INSYN1: variants seen among roughly 807,000 people sequenced by gnomAD.
INSYN1 encodes inhibitory synaptic factor 1.
Under a neutral mutation model 17.1 loss-of-function variants are expected in INSYN1, and 7 were observed. The ratio of observed to expected loss-of-function variants is 0.41; its 90% CI spans 0.23 to 0.77. The LOEUF (loss-of-function observed/expected upper bound fraction) is 0.77, where lower values mean the gene tolerates loss of function less well. Among genes scored for constraint, INSYN1 ranks in the 30% least tolerant of loss-of-function variants. The pLI is 0.32. For missense variants in INSYN1, 339 were observed against 400.6 expected (o/e 0.85, Z 1.31); for synonymous variants, 174 against 166.3 (o/e 1.05, Z -0.36).
At position 73,738,051 on chromosome 15, in the gene INSYN1, T is replaced by C. The variant is rs57600045; in HGVS notation, c.*1866A>G. ...GAGGTGTCTTCTTTGGCCATCCCAC[T>C]CAAAGCCCCTGTGCCCTGGAAATCA... On this transcript the variant is annotated 3_prime_UTR_variant, in exon 3 of 3. Transcript: ENST00000569673. 8,199 of 152,374 alleles carry C rather than the reference T, an allele frequency of 0.054. 262 individuals are homozygous for C. Among genetic ancestry groups the C allele is most frequent in the Non-Finnish European group, 0.065 (4,417 of 68,074 alleles). The allele number at this position is 152,374 out of a possible 1,614,324, so 9.4% of individuals were successfully genotyped here. A position where few individuals can be genotyped will look rare whatever the true frequency, so the allele number is the denominator to read the frequency against.
At chr15:73,747,179 C>T (rs570312664) in intron 2 of INSYN1, among the ~76,000 whole-genome samples, 4 of 152,322 alleles carry the variant, frequency 2.6e-5, no homozygotes, top group South Asian at 2.1e-4. Context: ...GCCGGGAATG[C>T]TCTTCCCCTA....
intron 2 of INSYN1, among the ~76,000 whole-genome samples, chr15:73,743,373 G>A (rs1203897430): frequency 6.6e-6 from 1 of 152,210 alleles, no homozygotes; most frequent in Non-Finnish European, 1.5e-5. Flanking sequence ...GGGGATGGAG[G>A]AAAGAGAAAG....
Position 73,752,986 on chromosome 15 carries a change from G to GCGGGCCGGGC in INSYN1, c.-1454_-1445dup, listed in dbSNP as rs969761722. 2.7e-5 allele frequency among the ~76,000 whole-genome samples: 4 copies of GCGGGCCGGGC among 150,254 alleles called. No homozygotes were observed. Among genetic ancestry groups the GCGGGCCGGGC allele is most frequent in the Non-Finnish European group, 5.9e-5 (4 of 67,228 alleles). On this transcript the variant is annotated 5_prime_UTR_variant, in exon 1 of 3. Coordinates refer to ENST00000569673, the MANE Select transcript of INSYN1 (RefSeq NM_001039614.3). The surrounding 1 kb of genome is among the most constrained non-coding windows in gnomAD (Gnocchi z 5.2). Reference sequence around the variant, plus strand: ...GGGAAGGGAGGGGAGGGGGCGAGCGGCGGGCCGGGCCGGGCCGGGGCGCAC... The same window carrying GCGGGCCGGGC: ...GGGAAGGGAGGGGAGGGGGCGAGCGGCGGGCCGGGCCGGGCCGGGCCGGGCCGGGGCGCAC...
At chr15:73,742,511 A>C (rs1901714887) in intron 2 of INSYN1, among the ~76,000 whole-genome samples, 1 of 152,084 alleles carries the variant, frequency 6.6e-6, no homozygotes, top group Admixed American at 6.5e-5. Flanking sequence ...ACCTCCACCC[A>C]TGAGATCATT....
Position 73,740,443 on chromosome 15 carries a change from G to A in INSYN1, c.356C>T (p.Ser119Phe), listed in dbSNP as rs1248955353. Residue 119 changes from serine to phenylalanine, a missense_variant, in exon 3 of 3, where the codon TCT (serine) becomes TTT (phenylalanine). Ser to Phe is a radical substitution (Grantham distance 155). Coordinates refer to ENST00000569673, the MANE Select transcript of INSYN1 (RefSeq NM_001039614.3). The stretch of plus-strand genomic sequence containing the variant: ...ACCATCCACGGAGTCCGAGGGGGTA[G>A]AGACGTCCAGGAAGGAGCAGAACTC... Reference protein sequence around the residue: ...SWEFCSFLDVSTPSDSVDGPE... With the variant: ...SWEFCSFLDVFTPSDSVDGPE... 6.2e-7 allele frequency: 1 copy of A among 1,613,814 alleles called. No individual in the cohort carries two copies. The highest frequency in any genetic ancestry group is 2.2e-5 in the East Asian group (1 of 44,850).
Position 73,736,722 on chromosome 15 carries a change from C to T in INSYN1, c.*3195G>A, listed in dbSNP as rs1239069778. 2 of 152,168 alleles carry T rather than the reference C, an allele frequency of 1.3e-5. No homozygotes were observed. The highest frequency in any genetic ancestry group is 2.1e-4 in the South Asian group (1 of 4,830). 9.4% of individuals were successfully genotyped at this position (152,168 alleles called of 1,614,324 possible). On this transcript the variant is annotated 3_prime_UTR_variant, in exon 3 of 3. Transcript: ENST00000569673. Reference sequence around the variant, plus strand: ...CCATCCTGGCCATGTGGTGAAACCCCATCTCTACTAAAAATACAAAACTTA... The same window carrying T: ...CCATCCTGGCCATGTGGTGAAACCCTATCTCTACTAAAAATACAAAACTTA...
intron 2 of INSYN1, among the ~76,000 whole-genome samples, chr15:73,745,814 A>ACAAAACAAAAC (rs1555422880): frequency 6.6e-6 from 1 of 151,644 alleles, no homozygotes; most frequent in Admixed American, 6.6e-5. Flanking sequence ...GTCTCAAAAA[A>ACAAAACAAAAC]CAAAACAAAA....
At chr15:73,744,863 C>A (rs972454666) in intron 2 of INSYN1, among the ~76,000 whole-genome samples, 1 of 152,070 alleles carries the variant, frequency 6.6e-6, no homozygotes, top group Non-Finnish European at 1.5e-5. Context: ...CCGAGGGGGG[C>A]AATGAGGCTC....
intron 2 of INSYN1, among the ~76,000 whole-genome samples, chr15:73,744,687 T>C (rs1217752472): frequency 1.3e-5 from 2 of 152,114 alleles, no homozygotes; most frequent in African/African-American, 4.8e-5. Context: ...TACATGTAAT[T>C]TGGGATTGTC....
At chr15:73,747,577 T>C (rs1354694135) in intron 2 of INSYN1, among the ~76,000 whole-genome samples, 1 of 152,196 alleles carries the variant, frequency 6.6e-6, no homozygotes. Flanking sequence ...TAGGGGAGGA[T>C]GCCTAAAATG....
At chr15:73,745,434 G>A (rs548907304) in intron 2 of INSYN1, among the ~76,000 whole-genome samples, 1 of 152,238 alleles carries the variant, frequency 6.6e-6, no homozygotes, top group South Asian at 2.1e-4. Flanking sequence ...CCCCAGCTGA[G>A]GTCAGGTTCC....
In INSYN1 at chr15:73,751,408, G is replaced by T. The variant is rs1901981087; in HGVS notation, c.-278C>A. 2.1e-6 allele frequency: 1 copy of T among 470,676 alleles called. No individual in the cohort carries two copies. The highest frequency in any genetic ancestry group is 2.0e-5 in the African/African-American group (1 of 51,092). The allele number at this position is 470,676 out of a possible 1,614,324, so 29.2% of individuals were successfully genotyped here. A position where few individuals can be genotyped will look rare whatever the true frequency, so the allele number is the denominator to read the frequency against. Reference sequence around the variant, plus strand: ...GAGGGGGAGGGACCTTGGGTCCCAGGAGTGGCCTCCAGGTCTTGAAGTGCC... The same window carrying T: ...GAGGGGGAGGGACCTTGGGTCCCAGTAGTGGCCTCCAGGTCTTGAAGTGCC... On this transcript the variant is annotated 5_prime_UTR_variant, in exon 2 of 3. Transcript: ENST00000569673.
At chr15:73,749,381 G>A (rs1220360050) in intron 2 of INSYN1, among the ~76,000 whole-genome samples, 1 of 152,166 alleles carries the variant, frequency 6.6e-6, no homozygotes, top group Admixed American at 6.5e-5. Context: ...TTGAAGCTCT[G>A]GGTGGCTATG....
chr15:73,741,185 G>A (rs917483131), intron 2 of INSYN1, among the ~76,000 whole-genome samples: 3 of 152,128 alleles, frequency 2.0e-5, no homozygotes, highest in South Asian at 2.1e-4. Flanking sequence ...GGTGACTGTC[G>A]CCCCTGGGTC....
rs1033436969 is a variant in INSYN1 at position 73,751,680 on chromosome 15, T to A, written c.-550A>T. 7 of 157,750 alleles carry A rather than the reference T, an allele frequency of 4.4e-5. No individual in the cohort carries two copies. The highest frequency in any genetic ancestry group is 1.7e-4 in the African/African-American group (7 of 41,552). The allele number at this position is 157,750 out of a possible 1,614,324, so 9.8% of individuals were successfully genotyped here. ...GGGCAGCTCTGGGGAGGGAGCTGGA[T>A]TGGAAGAGGGCAGCCCCCTGCGGAG... On this transcript the variant is annotated 5_prime_UTR_variant, in exon 2 of 3. Transcript: ENST00000569673.
intron 2 of INSYN1, among the ~76,000 whole-genome samples, chr15:73,750,205 CAT>C (rs903806703): frequency 2.3e-4 from 35 of 152,198 alleles, no homozygotes; most frequent in African/African-American, 7.5e-4. Context: ...GGGCTGAAGA[CAT>C]GTGTACCTCA....
rs1387370941 is a variant in INSYN1 at position 73,735,739 on chromosome 15, C to T, written c.*4178G>A. ...TAAGTCACTGTGTTTGTGGTTGAAT[C>T]CTGGTTCCATAGCCCATCCTGTGTT... On this transcript the variant is annotated 3_prime_UTR_variant, in exon 3 of 3. Transcript: ENST00000569673. 1 of 152,180 alleles carries T rather than the reference C, an allele frequency of 6.6e-6. No homozygotes were observed. The highest frequency in any genetic ancestry group is 1.5e-5 in the Non-Finnish European group (1 of 68,030). 9.4% of individuals were successfully genotyped at this position (152,180 alleles called of 1,614,324 possible).
rs1484354111 is a variant in INSYN1 at position 73,752,452 on chromosome 15, C to T, written c.-910G>A. The T allele has an allele frequency of 1.3e-5, 2 of 152,336 alleles. No homozygotes were observed. The highest frequency in any genetic ancestry group is 4.8e-5 in the African/African-American group (2 of 41,436). The allele number at this position is 152,336 out of a possible 1,614,324, so 9.4% of individuals were successfully genotyped here. On this transcript the variant is annotated 5_prime_UTR_variant, in exon 1 of 3. Coordinates refer to ENST00000569673, the MANE Select transcript of INSYN1 (RefSeq NM_001039614.3). The surrounding 1 kb of genome is among the most constrained non-coding windows in gnomAD (Gnocchi z 5.2). ...GCCGGGCAGGTCCCAGCGCGTGAGC[C>T]AAAGTCGGAGGGCTGGGAGGGCGCC...
intron 2 of INSYN1, among the ~76,000 whole-genome samples, chr15:73,747,864 C>T (rs1247010350): frequency 6.6e-6 from 1 of 152,168 alleles, no homozygotes; most frequent in African/African-American, 2.4e-5. Flanking sequence ...ACCGTCATAT[C>T]CCTCTGCAGC....
Sources: gnomAD v4.1 joint callset for allele counts (sites outside exome capture counted in the v4.1 genomes callset) on GRCh38, gnomAD v4.1.1 for gene constraint, Gnocchi (gnomAD v3.1) non-coding constraint, MANE v1.5 for transcripts, NCBI Gene and HGNC (gene_info 2026-07-23, HGNC 2026-07-21) for gene names.